Variants in TBC1D1 observed in about 807,000 individuals in gnomAD.
The protein encoded by TBC1D1 is TBC1 (tre-2/USP6, BUB2, cdc16) domain family, member 1.
In TBC1D1, 89 loss-of-function variants were observed where a neutral mutation model predicts 125.6. The observed-to-expected ratio is 0.71, with a 90% confidence interval of 0.60 to 0.85. The LOEUF is 0.85. Among genes scored for constraint, TBC1D1 ranks in the 40% least tolerant of loss-of-function variants. TBC1D1 has a pLI of 0.00. For synonymous variants in TBC1D1, 565 were observed against 564.1 expected, an observed-to-expected ratio of 1.00 and a Z score of -0.02; for missense variants, 1,377 against 1,469.2, an observed-to-expected ratio of 0.94 and a Z score of 1.03.
In TBC1D1 at chr4:37,950,447, C is replaced by CA. The variant is rs1051044795; in HGVS notation, c.417+47945dup. Among the ~76,000 whole-genome samples the CA allele has an allele frequency of 6.1e-4, 80 of 130,266 alleles. 1 individual carries two copies. In the South Asian group the frequency reaches 6.8e-3, roughly 11 times the overall value. 85.5% of individuals were successfully genotyped at this position (130,266 alleles called of 152,430 possible). A position where few individuals can be genotyped will look rare whatever the true frequency, so the allele number is the denominator to read the frequency against. On this transcript the variant is annotated intron_variant, in intron 2 of 19. Transcript: ENST00000261439. ...GGAAAGACCCTTTATGCCGTCTTTG[C>CA]AAAAAAAAAATAGGATTGAGTTAAT...
chr4:37,978,141 G>T (rs2152359534), intron 2 of TBC1D1, among the ~76,000 whole-genome samples: 1 of 152,278 alleles, frequency 6.6e-6, no homozygotes, highest in Admixed American at 6.5e-5. Flanking sequence ...TAACTGGGTG[G>T]TGCAAATCCA....
intron 8 of TBC1D1, 37 bp from the exon 9 acceptor site, chr4:38,044,325 G>A: frequency 6.3e-7 from 1 of 1,577,900 alleles, no homozygotes; most frequent in Non-Finnish European, 8.6e-7. Context: ...AGCAGAGAAG[G>A]GAGCGATAAA....
At chr4:38,113,126 T>A (rs1168389798) in intron 15 of TBC1D1, among the ~76,000 whole-genome samples, 1 of 152,188 alleles carries the variant, frequency 6.6e-6, no homozygotes, top group Non-Finnish European at 1.5e-5. Flanking sequence ...GGTACATAAT[T>A]TGCAGGGCCT....
chr4:38,076,777 C>T (rs1456915155), intron 12 of TBC1D1, among the ~76,000 whole-genome samples: 1 of 151,900 alleles, frequency 6.6e-6, no homozygotes, highest in East Asian at 1.9e-4. Context: ...CTGCCACCAA[C>T]CAAAATATTT....
intron 2 of TBC1D1, among the ~76,000 whole-genome samples, chr4:37,966,187 A>G (rs1444284231): frequency 1.3e-5 from 2 of 152,262 alleles, no homozygotes; most frequent in African/African-American, 4.8e-5. Flanking sequence ...CTGAGGTCAC[A>G]TAGCTGGTTG....
intron 2 of TBC1D1, among the ~76,000 whole-genome samples, chr4:37,949,779 G>T (rs1727453305): frequency 6.6e-6 from 1 of 152,140 alleles, no homozygotes; most frequent in Non-Finnish European, 1.5e-5. Context: ...TGCCATTTTA[G>T]CATGAAAGTA....
At chr4:38,012,221 A>G (rs1741653791) in intron 2 of TBC1D1, among the ~76,000 whole-genome samples, 1 of 152,214 alleles carries the variant, frequency 6.6e-6, no homozygotes, top group Admixed American at 6.5e-5. Context: ...CTTTACAGAA[A>G]TCACTTTTAC....
intron 8 of TBC1D1, among the ~76,000 whole-genome samples, chr4:38,042,582 A>G (rs1257321443): frequency 6.6e-6 from 1 of 152,056 alleles, no homozygotes. Context: ...ATTTGTATTC[A>G]TTCATTTAAG....
chr4:38,102,828 A>G (rs557711965), intron 14 of TBC1D1, among the ~76,000 whole-genome samples, 171 bp from the exon 17 acceptor site: 1 of 151,314 alleles, frequency 6.6e-6, no homozygotes, highest in East Asian at 1.9e-4. Context: ...CTGCAGTGAG[A>G]TGTGATTGTG....
At chr4:38,128,899 T>G (rs973848057) in intron 18 of TBC1D1, among the ~76,000 whole-genome samples, 5 of 152,174 alleles carry the variant, frequency 3.3e-5, no homozygotes, top group Admixed American at 3.3e-4. Flanking sequence ...TCACAGTGGG[T>G]GCTCTGTGGC....
At chr4:38,072,732 C>A (rs1173873673) in intron 12 of TBC1D1, among the ~76,000 whole-genome samples, 1 of 152,172 alleles carries the variant, frequency 6.6e-6, no homozygotes. Flanking sequence ...AATTTTTCAT[C>A]TTGTTAAACT....
At chr4:37,911,406 G>T (rs545964407) in intron 2 of TBC1D1, among the ~76,000 whole-genome samples, 1 of 152,106 alleles carries the variant, frequency 6.6e-6, no homozygotes, top group Non-Finnish European at 1.5e-5. Context: ...GTGCCGTGCC[G>T]GGCTAGCCTG....
At chr4:38,066,909 G>A (rs143922357) in intron 12 of TBC1D1, among the ~76,000 whole-genome samples, 1,955 of 151,964 alleles carry the variant, frequency 0.013, 38 homozygotes, top group African/African-American at 0.044. Context: ...ATGGAGTCTC[G>A]CTCTGTCGCC....
chr4:38,052,167 C>CTG (rs58659939), intron 11 of TBC1D1, 107 bp downstream of exon 12: 40,512 of 733,894 alleles, frequency 0.055, 466 homozygotes, highest in African/African-American at 0.07. Context: ...AGCAGAGCCA[C>CTG]TGTGTGTGTG....
Position 38,014,502 on chromosome 4 carries a change from T to C in TBC1D1, c.418-7T>C, listed in dbSNP as rs202037348. On this transcript the variant is annotated splice_region_variant and splice_polypyrimidine_tract_variant and intron_variant, in intron 2 of 19. Coordinates refer to ENST00000261439, the MANE Select transcript of TBC1D1 (RefSeq NM_015173.4). The surrounding 1 kb of genome is among the most constrained non-coding windows in gnomAD (Gnocchi z 5.1). Reference sequence around the variant, plus strand: ...GTTCCAAATAACACGCCTCTCTCTCTCCTCAGGTGCCTGAGATCATCAGCT... The same window carrying C: ...GTTCCAAATAACACGCCTCTCTCTCCCCTCAGGTGCCTGAGATCATCAGCT... The C allele has an allele frequency of 6.2e-7, 1 of 1,609,926 alleles. No individual in the cohort carries two copies. The highest frequency in any genetic ancestry group is 8.5e-7 in the Non-Finnish European group (1 of 1,177,320).
chr4:37,918,614 A>T (rs1429567202), intron 2 of TBC1D1, among the ~76,000 whole-genome samples: 1 of 151,892 alleles, frequency 6.6e-6, no homozygotes, highest in Non-Finnish European at 1.5e-5. Context: ...CGCCTGGCTA[A>T]TTTTTCTATT....
chr4:38,066,908 C>T (rs1412319000), intron 12 of TBC1D1, among the ~76,000 whole-genome samples: 2 of 152,080 alleles, frequency 1.3e-5, no homozygotes, highest in Non-Finnish European at 2.9e-5. Flanking sequence ...GATGGAGTCT[C>T]GCTCTGTCGC....
Position 37,979,146 on chromosome 4 carries a change from G to A in TBC1D1, c.418-35363G>A, listed in dbSNP as rs1334213629. 9.2e-5 allele frequency among the ~76,000 whole-genome samples: 14 copies of A among 152,274 alleles called. No homozygotes were observed. In the South Asian group the frequency reaches 1.7e-3, roughly 18 times the overall value. On this transcript the variant is annotated intron_variant, in intron 2 of 19. Coordinates refer to ENST00000261439, the MANE Select transcript of TBC1D1 (RefSeq NM_015173.4). ...CCCACCTTGGCCTCCCAAAGTGCTG[G>A]GGTTACAGATGTGAGCCACCACACC...
intron 12 of TBC1D1, among the ~76,000 whole-genome samples, chr4:38,083,961 A>G (rs1300376807): frequency 7.1e-6 from 1 of 140,644 alleles, no homozygotes; most frequent in Admixed American, 7.3e-5. Context: ...TTCTTGAGAC[A>G]GAGTCTCGCT....
Sources: allele counts gnomAD v4.1 joint callset (sites outside exome capture counted in the v4.1 genomes callset), GRCh38; gene constraint gnomAD v4.1.1; non-coding constraint Gnocchi (gnomAD v3.1); transcripts MANE v1.5; gene names NCBI Gene and HGNC (gene_info 2026-07-23, HGNC 2026-07-21).